STK36: variants seen among roughly 807,000 people sequenced by gnomAD.
The protein encoded by STK36 is serine/threonine-protein kinase 36.
In STK36, 116 loss-of-function variants were observed where a neutral mutation model predicts 142.2. The observed-to-expected ratio is 0.82, with a 90% CI of 0.70 to 0.95. STK36 has a LOEUF of 0.95. Ranked by LOEUF, STK36 falls within the 40% of genes least tolerant of loss-of-function variation. The probability of loss-of-function intolerance (pLI) is 0.00; values close to 1 mark genes in which losing one functional copy is unlikely to be tolerated. For missense variants in STK36, 1,422 were observed against 1,617.2 expected (o/e 0.88, Z 2.07); for synonymous variants, 619 against 641.7 (o/e 0.96, Z 0.53).
intron 12 of STK36, 53 bp from the exon 13 acceptor site, chr2:218,689,806 C>G: frequency 1.3e-6 from 2 of 1,519,876 alleles, no homozygotes; most frequent in South Asian, 1.2e-5. Context: ...TTTTTCTATT[C>G]TTTGTTTCCA....
chr2:218,693,961 C>T lies in STK36; in HGVS notation c.2314C>T (p.Arg772Trp), dbSNP rs200344143. ...TLYFLSLLVFRLQNLPCGMEK... is the reference protein window; with the variant it reads ...TLYFLSLLVFWLQNLPCGMEK... ...CTACTTCCTCTCCCTTCTTGTCTTT[C>T]GGCTCCAAAACCTGCCTTGTGGGTA... is the stretch of plus-strand genomic sequence containing the variant. The change falls in exon 19 of 27, where the codon CGG (arginine) becomes TGG (tryptophan). Residue 772 changes from arginine to tryptophan, a missense_variant. Arg to Trp is a moderately radical substitution (Grantham distance 101). Coordinates refer to ENST00000295709, the MANE Select transcript of STK36 (RefSeq NM_015690.5). The T allele has an allele frequency of 4.1e-5, 66 of 1,614,212 alleles. No homozygotes were observed. Among genetic ancestry groups the T allele is most frequent in the South Asian group, 6.6e-5 (6 of 91,088 alleles).
Position 218,693,267 on chromosome 2 carries a change from A to C in STK36, c.2071A>C (p.Thr691Pro), listed in dbSNP as rs1022447281. 1.2e-6 allele frequency: 2 copies of C among 1,614,168 alleles called. No homozygotes were observed. The highest frequency in any genetic ancestry group is 1.7e-6 in the Non-Finnish European group (2 of 1,180,036). ...QVCWHLANQL[T>P]EDSSQLRPSL... ...CTGTTGGCATTTGGCAAATCAGCTA[A>C]CTGAAGACAGCAGCCAGCTCAGGCC... Residue 691 changes from threonine to proline, a missense_variant, in exon 17 of 27, where the codon ACT becomes CCT. Thr to Pro is a conservative substitution (Grantham distance 38). Transcript: ENST00000295709.
chr2:218,676,335 T>C, intron 6 of STK36, 57 bp downstream of exon 6: 1 of 1,586,360 alleles, frequency 6.3e-7, no homozygotes. Flanking sequence ...TCCCTCTATC[T>C]CTGTTCCTTT....
rs1941261458 is a variant in STK36 at position 218,697,062 on chromosome 2, G to A, written c.2610G>A (p.Arg870=). ...AGCAGGGGAAGGCTAGCCTAATCAG[G>A]GATATGTCCAGTTCAGAAATGTGGA... ...LTEQGKASLI[R]DMSSSEMWTV... Residue 870 remains arginine, a synonymous_variant, in exon 23 of 27, where the codon AGG becomes AGA. Transcript: ENST00000295709. The A allele has an allele frequency of 3.7e-6, 6 of 1,613,942 alleles. No individual in the cohort carries two copies. The highest frequency in any genetic ancestry group is 3.3e-5 in the Admixed American group (2 of 59,988).
rs749190245 is a variant in STK36, at chr2:218,702,057, C to T, written c.*48C>T. 6.8e-6 allele frequency: 11 copies of T among 1,606,218 alleles called. No individual in the cohort carries two copies. The highest frequency in any genetic ancestry group is 2.2e-5 in the South Asian group (2 of 89,764). The stretch of plus-strand genomic sequence containing the variant: ...CTCCAACTTTGGTTGCCAGCTCTTT[C>T]TTATTCTACTACACAAGCCGCCAAC... On this transcript the variant is annotated 3_prime_UTR_variant, in exon 27 of 27. Transcript: ENST00000295709.
intron 11 of STK36, among the ~76,000 whole-genome samples, chr2:218,687,357 C>G (rs1227164286): frequency 1.3e-5 from 2 of 152,150 alleles, no homozygotes; most frequent in Admixed American, 6.5e-5. Flanking sequence ...AAGATTTTCT[C>G]TTTTCCTAAG....
intron 25 of STK36, 32 bp downstream of exon 25, chr2:218,698,033 G>A: frequency 6.2e-7 from 1 of 1,613,460 alleles, no homozygotes; most frequent in Non-Finnish European, 8.5e-7. Flanking sequence ...AGGTGGGAGA[G>A]GAAGATAGCC....
chr2:218,679,556 G>T lies in STK36; in HGVS notation c.779-4G>T. On this transcript the variant is annotated splice_region_variant and splice_polypyrimidine_tract_variant and intron_variant, in intron 7 of 26. Transcript: ENST00000295709. ...CATGTCTTCCTCCTCTTCCCTCCCT[G>T]CAGTAATAACTGAGCCAGCAGGCCC... 6.2e-7 allele frequency: 1 copy of T among 1,613,022 alleles called. No individual in the cohort carries two copies. The highest frequency in any genetic ancestry group is 8.5e-7 in the Non-Finnish European group (1 of 1,179,516).
Position 218,693,321 on chromosome 2 carries a change from A to G in STK36, c.2125A>G (p.Ile709Val). The stretch of plus-strand genomic sequence containing the variant: ...CCTCATCTCTGGCCTGCAGCATCCC[A>G]TCCTGTGCCTGCACCTTCTCAAGGT... ...PSLISGLQHP[I>V]LCLHLLKVLY... The change falls in exon 17 of 27, where the codon ATC becomes GTC. Residue 709 changes from isoleucine (I) to valine (V), a missense_variant. This residue lies in a region of STK36 where 962 missense variants were observed against 1,167.5 expected (regional missense o/e 0.82). Transcript: ENST00000295709. The G allele has an allele frequency of 6.2e-7, 1 of 1,614,128 alleles. No individual in the cohort carries two copies. The highest frequency in any genetic ancestry group is 2.2e-5 in the East Asian group (1 of 44,882).
At chr2:218,688,981 C>A in intron 12 of STK36, 105 bp downstream of exon 12, 1 of 1,136,786 alleles carries the variant, frequency 8.8e-7, no homozygotes, top group Non-Finnish European at 1.2e-6. Flanking sequence ...CTTTTATTTT[C>A]TTTCCTCCTC....
chr2:218,702,043 G>T lies in STK36; in HGVS notation c.*34G>T. On this transcript the variant is annotated 3_prime_UTR_variant, in exon 27 of 27. Transcript: ENST00000295709. The stretch of plus-strand genomic sequence containing the variant: ...TCCTGCGGTCCAGCCTCCAACTTTG[G>T]TTGCCAGCTCTTTCTTATTCTACTA... 17 of 1,609,922 alleles carry T rather than the reference G, an allele frequency of 1.1e-5. No individual in the cohort carries two copies. Among genetic ancestry groups the T allele is most frequent in the Non-Finnish European group, 1.4e-5 (16 of 1,177,820 alleles).
In STK36 at chr2:218,700,383, ATTAT is replaced by A. The variant is rs896654091; in HGVS notation, c.3804+1055_3804+1058del. 1.1e-3 allele frequency among the ~76,000 whole-genome samples: 168 copies of A among 151,416 alleles called. 1 individual carries two copies. The highest frequency in any genetic ancestry group is 3.8e-3 in the African/African-American group (156 of 41,292). On this transcript the variant is annotated intron_variant, in intron 26 of 26. Transcript: ENST00000295709. ...ATGCCCGGCTAATCTTTGTATTTTT[ATTAT>A]TTATTTATTTATTTATTTACTTATT...
At chr2:218,681,787 A>G (rs1940531496) in intron 10 of STK36, among the ~76,000 whole-genome samples, 1 of 152,230 alleles carries the variant, frequency 6.6e-6, no homozygotes, top group African/African-American at 2.4e-5. Context: ...GCATCAGTCC[A>G]TTCTTGAAGG....
intron 9 of STK36, among the ~76,000 whole-genome samples, 168 bp downstream of exon 9, chr2:218,680,248 T>C (rs1398084265): frequency 6.6e-6 from 1 of 152,234 alleles, no homozygotes; most frequent in Non-Finnish European, 1.5e-5. Flanking sequence ...GATGTTTTTC[T>C]GATTCATCAG....
chr2:218,676,236 G>A lies in STK36; in HGVS notation c.642G>A (p.Lys214=), dbSNP rs751586911. The part of the protein sequence containing the change: ...SIFQLVSLIL[K]DPVRWPSTIS... ...TTCAGCTGGTCAGCCTCATTCTCAA[G>A]GACCCTGTGCGCTGGCCCTCAACCA... The change falls in exon 6 of 27, where the codon AAG becomes AAA. Residue 214 remains lysine, a synonymous_variant. Coordinates refer to ENST00000295709, the MANE Select transcript of STK36 (RefSeq NM_015690.5). 1.2e-5 allele frequency: 20 copies of A among 1,614,046 alleles called. No homozygotes were observed. In the Admixed American group the frequency reaches 3.0e-4, roughly 24 times the overall value.
chr2:218,700,786 C>T (rs930536004), intron 26 of STK36, among the ~76,000 whole-genome samples: 4 of 150,868 alleles, frequency 2.7e-5, no homozygotes, highest in Admixed American at 1.3e-4. Flanking sequence ...CTGAGGTGGG[C>T]GGATCACTTG....
At position 218,692,190 on chromosome 2, in the gene STK36, C is replaced by T. The variant is rs762086478; in HGVS notation, c.1812C>T (p.Ile604=). 10 of 1,614,200 alleles carry T rather than the reference C, an allele frequency of 6.2e-6. No individual in the cohort carries two copies. Among genetic ancestry groups the T allele is most frequent in the Non-Finnish European group, 8.5e-6 (10 of 1,180,038 alleles). ...CEAMDGNSRA[I]SKAFYSSLLT... Reference sequence around the variant, plus strand: ...CCATGGATGGGAACAGCCGGGCCATCTCCAAAGCCTTTTACTCCAGCTTGC... The same window carrying T: ...CCATGGATGGGAACAGCCGGGCCATTTCCAAAGCCTTTTACTCCAGCTTGC... Residue 604 remains isoleucine (I), a synonymous_variant, in exon 15 of 27, where the codon ATC becomes ATT. Transcript: ENST00000295709.
intron 11 of STK36, among the ~76,000 whole-genome samples, chr2:218,688,091 GA>G (rs1940845317): frequency 6.6e-6 from 1 of 152,212 alleles, no homozygotes; most frequent in South Asian, 2.1e-4. Flanking sequence ...CCAGGAGGCA[GA>G]GAGGTTGCAG....
rs780809983 is a variant in STK36, at chr2:218,694,268, G to A, written c.2341G>A (p.Glu781Lys). The change falls in exon 20 of 27, where the codon GAG becomes AAG. Residue 781 changes from glutamate (E) to lysine (K), a missense_variant. Glu to Lys is a moderately conservative substitution (Grantham distance 56). Transcript: ENST00000295709. The surrounding 1 kb of genome is among the most constrained non-coding windows in gnomAD (Gnocchi z 4.4). ...TGATGTATCTCTTTATTCCAGAATG[G>A]AGAAGCTAGGCAGTGACGTTGCTAC... ...FRLQNLPCGMEKLGSDVATLF... is the reference protein window; with the variant it reads ...FRLQNLPCGMKKLGSDVATLF... The A allele has an allele frequency of 1.2e-6, 2 of 1,613,836 alleles. No individual in the cohort carries two copies. The highest frequency in any genetic ancestry group is 1.7e-5 in the Admixed American group (1 of 60,014).
Sources: allele counts gnomAD v4.1 joint callset (sites outside exome capture counted in the v4.1 genomes callset), GRCh38; gene constraint gnomAD v4.1.1; regional missense constraint gnomAD v4.1.1; non-coding constraint Gnocchi (gnomAD v3.1); transcripts MANE v1.5; gene names NCBI Gene and HGNC (gene_info 2026-07-23, HGNC 2026-07-21).